Variants in TMEM132B observed in about 807,000 individuals in gnomAD.
The protein encoded by TMEM132B is transmembrane protein 132B.
Under a neutral mutation model 90.8 loss-of-function variants are expected in TMEM132B, and 18 were observed. The observed-to-expected ratio is 0.20, with a 90% confidence interval of 0.14 to 0.29. TMEM132B has a LOEUF of 0.29. Among genes scored for constraint, TMEM132B ranks in the 10% least tolerant of loss-of-function variants. The pLI is 1.00. For synonymous variants in TMEM132B, 504 were observed against 523.3 expected, an observed-to-expected ratio of 0.96 and a Z score of 0.50; for missense variants, 1,096 against 1,326.8, an observed-to-expected ratio of 0.83 and a Z score of 2.70.
chr12:125,277,339 C>T lies in TMEM132B; in HGVS notation c.68-72113C>T, dbSNP rs1377415537. On this transcript the variant is annotated intron_variant, in intron 1 of 8. Coordinates refer to ENST00000682704, the MANE Select transcript of TMEM132B (RefSeq NM_001366854.1). This position sits in a 1 kb window ranked among gnomAD's most constrained non-coding sequence, Gnocchi z 4.3. ...ACTAAAAATACAAAAATTAGCTGGG[C>T]GTGGTGGTGGGCTCCTGTAATCCCA... 1.3e-5 allele frequency among the ~76,000 whole-genome samples: 2 copies of T among 151,874 alleles called. No individual in the cohort carries two copies. Among genetic ancestry groups the T allele is most frequent in the Non-Finnish European group, 1.5e-5 (1 of 67,964 alleles).
At chr12:125,465,510 T>A (rs1055656752) in intron 3 of TMEM132B, among the ~76,000 whole-genome samples, 2 of 152,148 alleles carry the variant, frequency 1.3e-5, no homozygotes, top group African/African-American at 4.8e-5. Flanking sequence ...TCCAACTCAA[T>A]CCACTGCTAA....
chr12:125,510,959 G>A (rs1169702418), intron 3 of TMEM132B, among the ~76,000 whole-genome samples: 6 of 152,166 alleles, frequency 3.9e-5, no homozygotes, highest in East Asian at 3.9e-4. Context: ...CAATTCAGTC[G>A]TTTTTAGTAT....
intron 3 of TMEM132B, among the ~76,000 whole-genome samples, chr12:125,454,964 A>G (rs771941917): frequency 1.1e-4 from 17 of 152,196 alleles, no homozygotes; most frequent in Non-Finnish European, 2.1e-4. Context: ...AAAACTTAAA[A>G]TACACCTCAC....
rs573604860 is a variant in TMEM132B, at chr12:125,339,737, A to G, written c.68-9715A>G. Among the ~76,000 whole-genome samples, 5 of 152,330 alleles carry G rather than the reference A, an allele frequency of 3.3e-5. No homozygotes were observed. The South Asian group carries it at 1.0e-3, about 32-fold the overall frequency. On this transcript the variant is annotated intron_variant, in intron 1 of 8. Transcript: ENST00000682704. Reference sequence around the variant, plus strand: ...CCAGGAGGAGCAAAGTTACACGCTGAGAACGCAGTGCAAGAAGACAGAGGA... The same window carrying G: ...CCAGGAGGAGCAAAGTTACACGCTGGGAACGCAGTGCAAGAAGACAGAGGA...
At chr12:125,566,876 C>G (rs1678033847) in intron 4 of TMEM132B, among the ~76,000 whole-genome samples, 1 of 129,958 alleles carries the variant, frequency 7.7e-6, no homozygotes, top group South Asian at 2.6e-4. Flanking sequence ...TGGAGTCTTG[C>G]ACTGTCGCCC....
chr12:125,303,560 A>G (rs1296821979), intron 1 of TMEM132B, among the ~76,000 whole-genome samples: 2 of 152,226 alleles, frequency 1.3e-5, no homozygotes, highest in East Asian at 3.9e-4. Context: ...ATCAACTGCC[A>G]AACTGTTTCC....
chr12:125,615,333 GTCTA>G (rs775174698), intron 5 of TMEM132B, among the ~76,000 whole-genome samples: 10 of 151,382 alleles, frequency 6.6e-5, no homozygotes, highest in East Asian at 1.9e-4. Context: ...ATATCTGTCT[GTCTA>G]TCTATCTATC....
chr12:125,265,065 T>C (rs2136113356), intron 1 of TMEM132B, among the ~76,000 whole-genome samples: 1 of 152,336 alleles, frequency 6.6e-6, no homozygotes, highest in South Asian at 2.1e-4. Flanking sequence ...GTTACTGTAC[T>C]GAATACTGCA....
chr12:125,566,069 G>A (rs1395139468), intron 4 of TMEM132B, among the ~76,000 whole-genome samples: 6 of 152,204 alleles, frequency 3.9e-5, no homozygotes, highest in African/African-American at 1.4e-4. Flanking sequence ...AATTGTGTAA[G>A]TTTTATCTAC....
At chr12:125,475,205 C>T (rs181830152) in intron 3 of TMEM132B, among the ~76,000 whole-genome samples, 19 of 152,218 alleles carry the variant, frequency 1.2e-4, no homozygotes, top group Admixed American at 5.9e-4. Flanking sequence ...GTGCCTGACT[C>T]GCAAACAATC....
At chr12:125,255,101 C>A (rs1874404807) in intron 1 of TMEM132B, among the ~76,000 whole-genome samples, 1 of 152,170 alleles carries the variant, frequency 6.6e-6, no homozygotes, top group African/African-American at 2.4e-5. Flanking sequence ...GAGGGTGTTG[C>A]TTTGCATTTC....
chr12:125,501,147 T>G (rs1361187685), intron 3 of TMEM132B, among the ~76,000 whole-genome samples: 2 of 152,194 alleles, frequency 1.3e-5, no homozygotes, highest in Non-Finnish European at 2.9e-5. Context: ...ACAAACAGCT[T>G]CCTATCTTTG....
intron 5 of TMEM132B, among the ~76,000 whole-genome samples, chr12:125,639,910 G>A (rs1422841392): frequency 6.6e-6 from 1 of 152,170 alleles, no homozygotes; most frequent in Non-Finnish European, 1.5e-5. Context: ...TTAGCCACAA[G>A]AACGACAATC....
chr12:125,527,388 C>G (rs1267899890), intron 4 of TMEM132B, among the ~76,000 whole-genome samples: 6 of 143,636 alleles, frequency 4.2e-5, no homozygotes, highest in Admixed American at 1.4e-4. Flanking sequence ...TTCCATCCAC[C>G]CATCCACCCA....
At position 125,650,857 on chromosome 12, in the gene TMEM132B, T is replaced by A. The variant is rs747999040; in HGVS notation, c.1818T>A (p.Leu606=). The change falls in exon 7 of 9, where the codon CTT becomes CTA. Residue 606 remains leucine (L), a synonymous_variant. Coordinates refer to ENST00000682704, the MANE Select transcript of TMEM132B (RefSeq NM_001366854.1). ...GPDWQFDITD[L]VTEFMKVEEP... ...ACTGGCAGTTTGACATCACTGACCT[T>A]GTGACCGAGTTCATGAAGGTGGAGG... The A allele has an allele frequency of 6.2e-6, 10 of 1,613,996 alleles. No individual in the cohort carries two copies. The South Asian group carries it at 6.6e-5, about 11-fold the overall frequency.
chr12:125,622,600 G>GTC, intron 5 of TMEM132B: 1 of 985,422 alleles, frequency 1.0e-6, no homozygotes, highest in Non-Finnish European at 1.2e-6. Context: ...TATTTGCTGG[G>GTC]TCTCTCTCTG....
chr12:125,216,324 C>T (rs564030249), intron 1 of TMEM132B, among the ~76,000 whole-genome samples: 1 of 152,154 alleles, frequency 6.6e-6, no homozygotes, highest in African/African-American at 2.4e-5. Flanking sequence ...CATGTCTCCT[C>T]TTAAAAGAAC....
chr12:125,342,288 T>C (rs1877207834), intron 1 of TMEM132B, among the ~76,000 whole-genome samples: 1 of 152,216 alleles, frequency 6.6e-6, no homozygotes, highest in South Asian at 2.1e-4. Context: ...TGTACGGGGA[T>C]GGTTAGCAGT....
intron 3 of TMEM132B, among the ~76,000 whole-genome samples, chr12:125,474,522 C>G (rs1429005494): frequency 1.3e-5 from 2 of 152,156 alleles, no homozygotes; most frequent in Non-Finnish European, 2.9e-5. Context: ...CTTCTGGGCT[C>G]AGGTAATCCT....
Sources: gnomAD v4.1 joint callset for allele counts (sites outside exome capture counted in the v4.1 genomes callset) on GRCh38, gnomAD v4.1.1 for gene constraint, Gnocchi (gnomAD v3.1) non-coding constraint, MANE v1.5 for transcripts, NCBI Gene and HGNC (gene_info 2026-07-23, HGNC 2026-07-21) for gene names.